KHDC1: variants seen among roughly 807,000 people sequenced by gnomAD.
KHDC1 encodes KH homology domain-containing protein 1.
KHDC1 carries 21 observed loss-of-function variants against 24.7 expected under a neutral mutation model. The observed-to-expected ratio is 0.85, with a 90% CI of 0.60 to 1.23. KHDC1 has a LOEUF of 1.23. Among genes scored for constraint, KHDC1 ranks in the 50% most tolerant of loss-of-function variants. The pLI is 0.00. For missense variants in KHDC1, 274 were observed against 298.5 expected (o/e 0.92, Z 0.61); for synonymous variants, 98 against 111.7 (o/e 0.88, Z 0.77).
At chr6:73,262,893 C>G (rs1767006834) in intron 2 of KHDC1, 2 of 986,522 alleles carry the variant, frequency 2.0e-6, no homozygotes, top group Non-Finnish European at 2.4e-6. Context: ...TCAGTGATGC[C>G]GCCGGGAACC....
chr6:73,288,093 A>T (rs520570), intron 2 of KHDC1, among the ~76,000 whole-genome samples: 143,691 of 152,252 alleles, frequency 0.94, 68,367 homozygotes, highest in East Asian at 1. Flanking sequence ...AGAGTTAGTC[A>T]TCATCATATC....
At chr6:73,292,593 G>C in intron 1 of KHDC1, 1 of 763,552 alleles carries the variant, frequency 1.3e-6, no homozygotes, top group East Asian at 2.4e-5. Flanking sequence ...CTTCAGCAGA[G>C]AGCATGGCTC....
intron 1 of KHDC1, among the ~76,000 whole-genome samples, chr6:73,305,635 G>T (rs1427825577): frequency 6.6e-6 from 1 of 152,100 alleles, no homozygotes; most frequent in Non-Finnish European, 1.5e-5. Context: ...GCATTTAAGA[G>T]AATATAATAT....
At chr6:73,282,547 T>C (rs985470474) in intron 2 of KHDC1, among the ~76,000 whole-genome samples, 3 of 152,160 alleles carry the variant, frequency 2.0e-5, no homozygotes, top group African/African-American at 7.2e-5. Context: ...AGACTCCCTT[T>C]GTAGGACTAA....
exon 5 of KHDC1, chr6:73,241,541 T>C (rs1447008687): frequency 6.2e-7 from 1 of 1,613,880 alleles, no homozygotes; most frequent in South Asian, 1.1e-5. Flanking sequence ...ACGGATACAG[T>C]GAACTCAAAT....
chr6:73,289,925 C>G (rs1767609444), intron 2 of KHDC1, among the ~76,000 whole-genome samples: 1 of 151,248 alleles, frequency 6.6e-6, no homozygotes, highest in Admixed American at 6.6e-5. Context: ...AAGGTGAAAC[C>G]CCGTCTCTAC....
At chr6:73,249,440 T>A (rs1230052599) in intron 2 of KHDC1, among the ~76,000 whole-genome samples, 1 of 152,208 alleles carries the variant, frequency 6.6e-6, no homozygotes, top group Non-Finnish European at 1.5e-5. Flanking sequence ...AAGTACCACA[T>A]AGGACCACAA....
intron 1 of KHDC1, among the ~76,000 whole-genome samples, chr6:73,297,556 C>T (rs551386318): frequency 6.6e-6 from 1 of 152,192 alleles, no homozygotes; most frequent in East Asian, 1.9e-4. Flanking sequence ...GGGGTGTGTA[C>T]CTTTCCAATT....
chr6:73,296,912 T>C (rs567375790), intron 1 of KHDC1, among the ~76,000 whole-genome samples: 1 of 152,232 alleles, frequency 6.6e-6, no homozygotes, highest in Admixed American at 6.5e-5. Flanking sequence ...TGTTTTTGTT[T>C]TTGTTTTGAG....
At chr6:73,241,873 C>A in intron 4 of KHDC1, 145 bp from the exon 4 acceptor site, 1 of 1,067,862 alleles carries the variant, frequency 9.4e-7, no homozygotes, top group Non-Finnish European at 1.3e-6. Flanking sequence ...TCCCAGCTAC[C>A]TCTCCACCTT....
At chr6:73,260,523 CCT>C (rs1766962019) in intron 2 of KHDC1, among the ~76,000 whole-genome samples, 1 of 152,098 alleles carries the variant, frequency 6.6e-6, no homozygotes, top group Non-Finnish European at 1.5e-5. Flanking sequence ...ATTTTGCATA[CCT>C]CTTTTTGAAC....
At chr6:73,247,150 G>A (rs1324779039) in intron 2 of KHDC1, among the ~76,000 whole-genome samples, 2 of 151,732 alleles carry the variant, frequency 1.3e-5, no homozygotes, top group African/African-American at 4.8e-5. Flanking sequence ...GCTAATTTTT[G>A]TATTTTTAGT....
At chr6:73,258,434 C>T (rs187149316) in intron 2 of KHDC1, among the ~76,000 whole-genome samples, 1 of 151,746 alleles carries the variant, frequency 6.6e-6, no homozygotes, top group Non-Finnish European at 1.5e-5. Flanking sequence ...CAGAGAGAGA[C>T]CCTGTCTCAA....
chr6:73,288,235 A>G (rs964174513), intron 2 of KHDC1, among the ~76,000 whole-genome samples: 2 of 152,224 alleles, frequency 1.3e-5, no homozygotes, highest in Non-Finnish European at 2.9e-5. Context: ...TTTTTATTAG[A>G]AACTGATTAA....
chr6:73,309,791 G>A, exon 1 of KHDC1: 1 of 1,496,184 alleles, frequency 6.7e-7, no homozygotes, highest in Admixed American at 2.4e-5. Context: ...CGCAGAGCCC[G>A]CCGGCGGGAA....
chr6:73,287,061 C>T (rs1164068129), intron 2 of KHDC1, among the ~76,000 whole-genome samples: 3 of 151,944 alleles, frequency 2.0e-5, no homozygotes, highest in Admixed American at 6.6e-5. Context: ...TGAAAAGGCT[C>T]GGAAAAGTGA....
intron 2 of KHDC1, among the ~76,000 whole-genome samples, chr6:73,287,005 A>G (rs897183412): frequency 2.0e-5 from 3 of 152,210 alleles, no homozygotes; most frequent in Non-Finnish European, 2.9e-5. Flanking sequence ...AGTGGCCCAC[A>G]CTAAGTGAGG....
intron 2 of KHDC1, among the ~76,000 whole-genome samples, chr6:73,266,069 G>A (rs898649079): frequency 2.0e-5 from 3 of 152,076 alleles, no homozygotes; most frequent in Non-Finnish European, 2.9e-5. Context: ...TTAAGATCAA[G>A]GTTTATCTTT....
At chr6:73,302,665 T>A (rs1049650043) in intron 1 of KHDC1, among the ~76,000 whole-genome samples, 22 of 152,232 alleles carry the variant, frequency 1.4e-4, no homozygotes, top group Admixed American at 6.5e-5. Context: ...GACGCCACTG[T>A]TATAGGAATT....
Sources: allele counts gnomAD v4.1 joint callset (sites outside exome capture counted in the v4.1 genomes callset), GRCh38; gene constraint gnomAD v4.1.1; transcripts MANE v1.5; gene names NCBI Gene and HGNC (gene_info 2026-07-23, HGNC 2026-07-21).